LINGO2: variants seen among roughly 807,000 people sequenced by gnomAD.
LINGO2 encodes the protein leucine rich repeat and Ig domain containing 2.
LINGO2 carries 14 observed loss-of-function variants against 30.6 expected under a neutral mutation model. That is an observed-to-expected ratio of 0.46 (90% CI 0.30 to 0.72). The LOEUF (loss-of-function observed/expected upper bound fraction) is 0.72. LINGO2 is among the 30% of genes least tolerant of loss of function. The pLI is 0.07. For missense variants in LINGO2, 729 were observed against 751.7 expected (o/e 0.97, Z 0.35); for synonymous variants, 317 against 288.5 (o/e 1.10, Z -1.00).
At chr9:28,953,366 G>C in the LINGO2 span, among the ~76,000 whole-genome samples, 359 of 152,106 alleles carry the variant, frequency 2.4e-3, no homozygotes, top group African/African-American at 8.2e-3. Context: ...ATTAATTAAT[G>C]TATATAAATT....
intron 3 of LINGO2, among the ~76,000 whole-genome samples, chr9:28,354,923 G>T (rs898209523): frequency 2.0e-5 from 3 of 152,140 alleles, no homozygotes; most frequent in Admixed American, 2.0e-4. Context: ...TGATCAGCTT[G>T]CTGTTGTGCA....
At chr9:29,003,981 C>A in the LINGO2 span, among the ~76,000 whole-genome samples, 1 of 152,012 alleles carries the variant, frequency 6.6e-6, no homozygotes, top group East Asian at 1.9e-4. Context: ...CTATTCCAAT[C>A]TAAAAATGAC....
At chr9:28,585,236 C>G (rs928358119) in intron 1 of LINGO2, among the ~76,000 whole-genome samples, 1 of 152,042 alleles carries the variant, frequency 6.6e-6, no homozygotes, top group South Asian at 2.1e-4. Flanking sequence ...TCTGTTTTAA[C>G]TGGGCATCTT....
the LINGO2 span, among the ~76,000 whole-genome samples, chr9:28,826,752 C>T: frequency 2.0e-5 from 3 of 152,100 alleles, no homozygotes; most frequent in African/African-American, 7.2e-5. Flanking sequence ...CTTTTATTTT[C>T]TATTCATTAG....
At chr9:27,998,642 G>A (rs1330285371) in intron 5 of LINGO2, among the ~76,000 whole-genome samples, 8 of 152,184 alleles carry the variant, frequency 5.3e-5, no homozygotes, top group Admixed American at 3.3e-4. Context: ...GTAGCTGTGC[G>A]TGGTGGCAGG....
chr9:28,176,236 T>C (rs940585642), intron 4 of LINGO2, among the ~76,000 whole-genome samples: 8 of 152,176 alleles, frequency 5.3e-5, no homozygotes, highest in Non-Finnish European at 1.2e-4. Flanking sequence ...ATCCCTTCCA[T>C]GTACGATGTT....
At chr9:28,812,014 C>T in the LINGO2 span, among the ~76,000 whole-genome samples, 1 of 151,832 alleles carries the variant, frequency 6.6e-6, no homozygotes, top group Non-Finnish European at 1.5e-5. Context: ...AATATAAAAT[C>T]AATTCTTTCT....
At chr9:28,505,525 T>C (rs1820073102) in intron 1 of LINGO2, among the ~76,000 whole-genome samples, 3 of 151,972 alleles carry the variant, frequency 2.0e-5, no homozygotes, top group African/African-American at 7.2e-5. Flanking sequence ...TTGAAAAGGC[T>C]TACTTTTGCT....
At chr9:28,092,400 C>T (rs2133270948) in intron 4 of LINGO2, among the ~76,000 whole-genome samples, 1 of 152,034 alleles carries the variant, frequency 6.6e-6, no homozygotes, top group East Asian at 1.9e-4. Flanking sequence ...TTTGTAGGGA[C>T]ATGGATGAAG....
At chr9:28,872,666 C>A in the LINGO2 span, among the ~76,000 whole-genome samples, 3 of 152,060 alleles carry the variant, frequency 2.0e-5, no homozygotes, top group African/African-American at 4.8e-5. Flanking sequence ...GTGATCATAA[C>A]CATATTGTTT....
the LINGO2 span, among the ~76,000 whole-genome samples, chr9:29,001,477 T>C: frequency 6.6e-6 from 1 of 151,998 alleles, no homozygotes. Context: ...ATAAGAATCT[T>C]TTAAATTACA....
At chr9:29,103,371 A>G in the LINGO2 span, among the ~76,000 whole-genome samples, 2 of 152,066 alleles carry the variant, frequency 1.3e-5, no homozygotes, top group South Asian at 4.2e-4. Context: ...ATGAAACACT[A>G]TTTATTTTTA....
At chr9:28,382,708 GCT>G (rs1336802486) in intron 2 of LINGO2, among the ~76,000 whole-genome samples, 4 of 152,150 alleles carry the variant, frequency 2.6e-5, no homozygotes, top group Admixed American at 1.3e-4. Flanking sequence ...AAAAATACTT[GCT>G]CTGTTTTTAG....
At chr9:28,494,915 T>G (rs577557714) in intron 1 of LINGO2, among the ~76,000 whole-genome samples, 3 of 152,222 alleles carry the variant, frequency 2.0e-5, no homozygotes, top group Non-Finnish European at 2.9e-5. Context: ...CCATTCTAAC[T>G]GCTGTGAGAT....
the LINGO2 span, among the ~76,000 whole-genome samples, chr9:29,117,081 T>C: frequency 6.6e-6 from 1 of 152,166 alleles, no homozygotes; most frequent in Admixed American, 6.5e-5. Context: ...TGTAACACAA[T>C]TACATAAAGT....
the LINGO2 span, among the ~76,000 whole-genome samples, chr9:28,962,290 T>A: frequency 6.6e-6 from 1 of 152,142 alleles, no homozygotes; most frequent in East Asian, 1.9e-4. Context: ...CACAGTTTAC[T>A]AAAAAGGGAA....
At chr9:29,059,443 A>AT in the LINGO2 span, among the ~76,000 whole-genome samples, 2 of 151,238 alleles carry the variant, frequency 1.3e-5, no homozygotes, top group African/African-American at 4.8e-5. Flanking sequence ...AAATAAATAA[A>AT]AAAGAACTAA....
chr9:28,225,133 G>A (rs1450265839), intron 4 of LINGO2, among the ~76,000 whole-genome samples: 2 of 152,142 alleles, frequency 1.3e-5, no homozygotes, highest in Non-Finnish European at 2.9e-5. Context: ...GATTAAGGAT[G>A]TGAAGTTTTG....
chr9:28,163,853 A>C (rs1828355608), intron 4 of LINGO2, among the ~76,000 whole-genome samples: 2 of 152,134 alleles, frequency 1.3e-5, no homozygotes, highest in Admixed American at 1.3e-4. Context: ...AGCTCTAATA[A>C]CAATTGTTCA....
Sources: gnomAD v4.1 joint callset for allele counts (sites outside exome capture counted in the v4.1 genomes callset) on GRCh38, gnomAD v4.1.1 for gene constraint, MANE v1.5 for transcripts, NCBI Gene and HGNC (gene_info 2026-07-23, HGNC 2026-07-21) for gene names.